The following TMEM50B variants were observed in gnomAD, a reference collection of about 807,000 sequenced individuals.
TMEM50B encodes HCV p7-trans-regulated protein 3.
A neutral mutation model predicts 23.4 loss-of-function variants in TMEM50B; 14 were observed. The observed-to-expected ratio is 0.60, with a 90% CI of 0.39 to 0.93. The LOEUF is 0.93. Among genes scored for constraint, TMEM50B ranks in the 40% least tolerant of loss-of-function variants. The probability of loss-of-function intolerance (pLI) is 0.00; values close to 1 mark genes in which losing one functional copy is unlikely to be tolerated. For synonymous variants in TMEM50B, 64 were observed against 62.3 expected, an observed-to-expected ratio of 1.03 and a Z score of -0.13; for missense variants, 159 against 193.0, an observed-to-expected ratio of 0.82 and a Z score of 1.04.
chr21:33,436,185 G>A (rs1024515143), intron 8 of TMEM50B, among the ~76,000 whole-genome samples: 13 of 147,440 alleles, frequency 8.8e-5, no homozygotes, highest in East Asian at 6.3e-4. Flanking sequence ...GGGAAACCCC[G>A]TCTCTACTTA....
rs373031626 is a variant in TMEM50B at position 33,466,964 on chromosome 21, A to G, written c.212+46T>C. On this transcript the variant is annotated intron_variant, in intron 3 of 6. Coordinates refer to ENST00000542230, the MANE Select transcript of TMEM50B (RefSeq NM_006134.7). ...AAGCACTGCACATTAACAGGAAAGTATTTTTAGAAAAATCACCTTGAATAG... is the reference window on the plus strand; with the variant it reads ...AAGCACTGCACATTAACAGGAAAGTGTTTTTAGAAAAATCACCTTGAATAG... 5 of 1,524,508 alleles carry G rather than the reference A, an allele frequency of 3.3e-6. No individual in the cohort carries two copies. The African/African-American group carries it at 5.5e-5, about 17-fold the overall frequency. 94.4% of individuals were successfully genotyped at this position (1,524,508 alleles called of 1,614,324 possible).
At chr21:33,472,000 C>G (rs904169541) in intron 1 of TMEM50B, among the ~76,000 whole-genome samples, 4 of 149,990 alleles carry the variant, frequency 2.7e-5, no homozygotes, top group Admixed American at 2.0e-4. Context: ...CCACTGCACT[C>G]CAGCCTGGGC....
chr21:33,456,162 A>C, intron 5 of TMEM50B: 1 of 468,946 alleles, frequency 2.1e-6, no homozygotes, highest in Non-Finnish European at 4.3e-6. Context: ...CTGTTAATTT[A>C]TTTTCTTTCA....
At chr21:33,478,611 A>T (rs2084396045) in intron 1 of TMEM50B, among the ~76,000 whole-genome samples, 1 of 152,164 alleles carries the variant, frequency 6.6e-6, no homozygotes, top group Non-Finnish European at 1.5e-5. Context: ...TGGGGTGGTG[A>T]GTGGGAAGGC....
chr21:33,468,375 T>C (rs558203971), intron 2 of TMEM50B: 6 of 155,770 alleles, frequency 3.9e-5, no homozygotes, highest in Admixed American at 6.4e-5. Context: ...AGGGCTTCAG[T>C]TCCAATGGAG....
chr21:33,439,867 G>A (rs952139353), intron 7 of TMEM50B, among the ~76,000 whole-genome samples: 1 of 151,646 alleles, frequency 6.6e-6, no homozygotes, highest in Non-Finnish European at 1.5e-5. Context: ...TCAACATGGC[G>A]AAAACCTGTT....
rs1443478855 is a variant in TMEM50B, at chr21:33,473,602, G to C, written c.-41-4676C>G. 2.0e-5 allele frequency among the ~76,000 whole-genome samples: 3 copies of C among 149,352 alleles called. No individual in the cohort carries two copies. The East Asian group carries it at 5.8e-4, about 29-fold the overall frequency. Reference sequence around the variant, plus strand: ...GAGATGCAAGGATCACTTGTGCCCAGAAGTTCGAGGTTACAGTGAGCTATG... The same window carrying C: ...GAGATGCAAGGATCACTTGTGCCCACAAGTTCGAGGTTACAGTGAGCTATG... On this transcript the variant is annotated intron_variant, in intron 1 of 6. Coordinates refer to ENST00000542230, the MANE Select transcript of TMEM50B (RefSeq NM_006134.7).
chr21:33,458,332 G>T (rs142101995), intron 5 of TMEM50B, among the ~76,000 whole-genome samples: 1 of 152,076 alleles, frequency 6.6e-6, no homozygotes, highest in Non-Finnish European at 1.5e-5. Context: ...TGACCAATAT[G>T]GTGAAACCCC....
downstream of TMEM50B, among the ~76,000 whole-genome samples, chr21:33,444,417 C>A (rs975283980): frequency 2.6e-5 from 4 of 151,812 alleles, no homozygotes; most frequent in African/African-American, 9.7e-5. Context: ...TGGTGGCGTG[C>A]GTCTGTAGTC....
chr21:33,451,406 A>C (rs2084118322), intron 6 of TMEM50B, among the ~76,000 whole-genome samples: 2 of 152,218 alleles, frequency 1.3e-5, no homozygotes, highest in African/African-American at 4.8e-5. Context: ...GGGTCTAATA[A>C]GGAGACAATC....
At chr21:33,437,607 A>G (rs1381545131) in intron 8 of TMEM50B, 1 of 152,514 alleles carries the variant, frequency 6.6e-6, no homozygotes, top group Non-Finnish European at 1.5e-5. Flanking sequence ...TTTTTCTTAA[A>G]TAACACCTGC....
At chr21:33,477,232 AG>A (rs2084381867) in intron 1 of TMEM50B, among the ~76,000 whole-genome samples, 1 of 152,088 alleles carries the variant, frequency 6.6e-6, no homozygotes, top group Non-Finnish European at 1.5e-5. Flanking sequence ...GGCTGCAGCA[AG>A]CCGTGAGGGA....
At chr21:33,432,900 T>C (rs750536049) in intron 8 of TMEM50B, 2 of 1,596,902 alleles carry the variant, frequency 1.3e-6, no homozygotes, top group Non-Finnish European at 1.7e-6. Context: ...CTTTTTTTTT[T>C]TTTGAGACAG....
intron 5 of TMEM50B, among the ~76,000 whole-genome samples, chr21:33,456,956 A>C (rs1368330256): frequency 6.6e-6 from 1 of 152,338 alleles, no homozygotes; most frequent in Non-Finnish European, 1.5e-5. Flanking sequence ...CACTTTACAA[A>C]TAGAAAAGTA....
At chr21:33,479,114 A>G (rs986426031) in intron 1 of TMEM50B, 1 of 254,254 alleles carries the variant, frequency 3.9e-6, no homozygotes, top group African/African-American at 2.3e-5. Flanking sequence ...TTTACCTTAG[A>G]ATTTCAGCAC....
chr21:33,467,822 A>G (rs575113506), intron 2 of TMEM50B, among the ~76,000 whole-genome samples: 1 of 152,264 alleles, frequency 6.6e-6, no homozygotes, highest in South Asian at 2.1e-4. Context: ...ATTGGACTTT[A>G]GGTGTAGAAC....
chr21:33,439,637 C>T (rs972185737), intron 7 of TMEM50B, among the ~76,000 whole-genome samples: 21 of 152,108 alleles, frequency 1.4e-4, no homozygotes, highest in Non-Finnish European at 7.4e-5. Context: ...ACCTCAGCCT[C>T]CCAAAGTGCT....
At chr21:33,468,130 G>A (rs748406895) in intron 2 of TMEM50B, among the ~76,000 whole-genome samples, 2 of 143,940 alleles carry the variant, frequency 1.4e-5, no homozygotes, top group African/African-American at 5.0e-5. Flanking sequence ...GATAGGTCCT[G>A]ATTTTGGGGT....
intron 6 of TMEM50B, among the ~76,000 whole-genome samples, chr21:33,453,336 C>T (rs930948591): frequency 2.6e-5 from 4 of 151,876 alleles, no homozygotes; most frequent in African/African-American, 7.3e-5. Flanking sequence ...GTGATCCACC[C>T]GCCTTGGCCT....
Sources: allele counts gnomAD v4.1 joint callset (sites outside exome capture counted in the v4.1 genomes callset), GRCh38; gene constraint gnomAD v4.1.1; transcripts MANE v1.5; gene names NCBI Gene and HGNC (gene_info 2026-07-23, HGNC 2026-07-21).